DHX40: variants seen among roughly 807,000 people sequenced by gnomAD.
DHX40 encodes the protein probable ATP-dependent RNA helicase DHX40.
A neutral mutation model predicts 89.6 loss-of-function variants in DHX40; 28 were observed. The ratio of observed to expected loss-of-function variants is 0.31; its 90% CI spans 0.23 to 0.43. The LOEUF (loss-of-function observed/expected upper bound fraction) is 0.43, where lower values mean the gene tolerates loss of function less well. Ranked by LOEUF, DHX40 falls within the 20% of genes least tolerant of loss-of-function variation. DHX40 has a pLI of 1.00. For synonymous variants in DHX40, 226 were observed against 283.6 expected (o/e 0.80, Z 2.04); for missense variants, 457 against 844.0 (o/e 0.54, Z 5.68).
At chr17:59,570,413 T>C in intron 2 of DHX40, 105 bp from the exon 3 acceptor site, 1 of 1,117,266 alleles carries the variant, frequency 9.0e-7, no homozygotes, top group Non-Finnish European at 1.2e-6. Context: ...GATATTCTTT[T>C]GGAAACATTC....
intron 12 of DHX40, among the ~76,000 whole-genome samples, chr17:59,597,686 C>T (rs1043551873): frequency 6.0e-5 from 9 of 151,206 alleles, no homozygotes; most frequent in Non-Finnish European, 1.2e-4. Context: ...CCTGTAATCC[C>T]AGCACTTTGG....
At chr17:59,606,047 CTTTT>C (rs1402386540) in intron 17 of DHX40, among the ~76,000 whole-genome samples, 2 of 150,522 alleles carry the variant, frequency 1.3e-5, no homozygotes, top group Non-Finnish European at 3.0e-5. Context: ...TTCTTTCTTT[CTTTT>C]TCTTTCTTCT....
intron 2 of DHX40, 128 bp downstream of exon 2, chr17:59,566,922 C>CTTTG: frequency 1.3e-6 from 1 of 762,912 alleles, no homozygotes; most frequent in East Asian, 3.3e-5. Context: ...TGGCACACCC[C>CTTTG]CTTCCCCTAT....
At chr17:59,581,760 C>CAA (rs545040399) in intron 10 of DHX40, among the ~76,000 whole-genome samples, 8 of 41,842 alleles carry the variant, frequency 1.9e-4, no homozygotes, top group Admixed American at 5.8e-4. Context: ...ACTCTGTCTC[C>CAA]AAAAAAAAAA....
chr17:59,573,590 T>C (rs2048840630), intron 4 of DHX40, 150 bp from the exon 5 acceptor site: 1 of 931,126 alleles, frequency 1.1e-6, no homozygotes, highest in South Asian at 1.8e-5. Context: ...CCCAAAGTGC[T>C]GGGATTACAG....
chr17:59,586,288 C>G (rs1405626656), intron 11 of DHX40, 55 bp downstream of exon 11: 2 of 1,320,644 alleles, frequency 1.5e-6, no homozygotes, highest in African/African-American at 3.1e-5. Flanking sequence ...TCTTTTTAAA[C>G]AGGGCTCTAA....
chr17:59,590,438 T>C (rs1033906634), intron 12 of DHX40, among the ~76,000 whole-genome samples: 8 of 150,036 alleles, frequency 5.3e-5, no homozygotes, highest in Admixed American at 2.0e-4. Context: ...CTGTTTCAAA[T>C]AGTTTGCAGT....
intron 1 of DHX40, 22 bp from the exon 2 acceptor site, chr17:59,566,605 A>G: frequency 6.4e-7 from 1 of 1,560,776 alleles, no homozygotes; most frequent in Non-Finnish European, 8.6e-7. Flanking sequence ...CTTTTAATTG[A>G]CTTGTTTTTC....
intron 12 of DHX40, among the ~76,000 whole-genome samples, chr17:59,591,946 G>A (rs572743638): frequency 4.6e-5 from 7 of 151,860 alleles, no homozygotes; most frequent in Non-Finnish European, 7.4e-5. Context: ...ATGGCTCACC[G>A]CAGCCTTGAC....
rs144223626 is a variant in DHX40 at position 59,608,003 on chromosome 17, G to C, written c.*831G>C. On this transcript the variant is annotated 3_prime_UTR_variant, in exon 18 of 18. Coordinates refer to ENST00000251241, the MANE Select transcript of DHX40 (RefSeq NM_024612.5). ...ACAGCGCCTCCACCTGGCCTACTCT[G>C]TTATTTCCACCTGTTTGGGTAGGGC... 1 of 154,750 alleles carries C rather than the reference G, an allele frequency of 6.5e-6. No individual in the cohort carries two copies. The highest frequency in any genetic ancestry group is 2.4e-5 in the African/African-American group (1 of 41,570). The allele number at this position is 154,750 out of a possible 1,614,324, so 9.6% of individuals were successfully genotyped here.
chr17:59,604,360 C>T (rs2030716278), intron 15 of DHX40: 1 of 152,058 alleles, frequency 6.6e-6, no homozygotes, highest in East Asian at 1.9e-4. Context: ...CTTGGTTACC[C>T]TCTGTATGCC....
At chr17:59,603,914 A>G (rs748348876) in intron 15 of DHX40, 14 of 152,220 alleles carry the variant, frequency 9.2e-5, no homozygotes, top group Non-Finnish European at 1.6e-4. Flanking sequence ...GAAACAGACA[A>G]ACTCAAACTG....
chr17:59,602,042 AT>A (rs1272270438), intron 14 of DHX40, among the ~76,000 whole-genome samples: 1 of 152,188 alleles, frequency 6.6e-6, no homozygotes, highest in South Asian at 2.1e-4. Flanking sequence ...CCTCACATTC[AT>A]GTGCTAATCA....
chr17:59,570,977 T>G (rs2048799153), intron 3 of DHX40, among the ~76,000 whole-genome samples: 1 of 152,240 alleles, frequency 6.6e-6, no homozygotes, highest in African/African-American at 2.4e-5. Flanking sequence ...GTGTCTGATG[T>G]TCATCCCATT....
At chr17:59,570,062 T>TTATAA (rs3064038) in intron 2 of DHX40, among the ~76,000 whole-genome samples, 48,854 of 129,612 alleles carry the variant, frequency 0.38, 12,083 homozygotes, top group African/African-American at 0.7. Context: ...ATAATATACA[T>TTATAA]TATATTATAA....
intron 17 of DHX40, among the ~76,000 whole-genome samples, chr17:59,606,615 G>A (rs530230460): frequency 6.2e-4 from 94 of 151,992 alleles, no homozygotes; most frequent in African/African-American, 2.1e-3. Flanking sequence ...GTGTGGTGGC[G>A]GGCGCCTGTA....
chr17:59,591,986 A>C (rs1280088890), intron 12 of DHX40, among the ~76,000 whole-genome samples: 1 of 151,766 alleles, frequency 6.6e-6, no homozygotes, highest in Non-Finnish European at 1.5e-5. Context: ...CTCCCACCTC[A>C]GCCTCCTTAG....
chr17:59,604,640 T>C (rs2030732909), intron 15 of DHX40: 1 of 153,696 alleles, frequency 6.5e-6, no homozygotes, highest in South Asian at 2.0e-4. Context: ...GGAAAAATGA[T>C]AGATTAATTG....
At chr17:59,604,829 A>G in intron 15 of DHX40, 1 of 304,210 alleles carries the variant, frequency 3.3e-6, no homozygotes, top group Non-Finnish European at 6.1e-6. Flanking sequence ...ACTTTTTAAT[A>G]AAGTTCCTGG....
Sources: gnomAD v4.1 joint callset for allele counts (sites outside exome capture counted in the v4.1 genomes callset) on GRCh38, gnomAD v4.1.1 for gene constraint, MANE v1.5 for transcripts, NCBI Gene and HGNC (gene_info 2026-07-23, HGNC 2026-07-21) for gene names.